Variants in CNTNAP5 observed in about 807,000 individuals in gnomAD.
The protein encoded by CNTNAP5 is contactin associated protein family member 5, also known as contactin-associated protein-like 5.
A neutral mutation model predicts 150.2 loss-of-function variants in CNTNAP5; 72 were observed. The observed-to-expected ratio is 0.48, with a 90% CI of 0.40 to 0.58. CNTNAP5 has a LOEUF of 0.58. CNTNAP5 is among the 20% of genes least tolerant of loss of function. The pLI is 0.00. For synonymous variants in CNTNAP5, 672 were observed against 619.8 expected (o/e 1.08, Z -1.25); for missense variants, 1,636 against 1,626.2 (o/e 1.01, Z -0.10).
chr2:124,856,151 A>G (rs1055027325), intron 19 of CNTNAP5, among the ~76,000 whole-genome samples: 1 of 151,760 alleles, frequency 6.6e-6, no homozygotes, highest in Non-Finnish European at 1.5e-5. Context: ...GGGTGTGTGT[A>G]TATATACAAT....
At chr2:124,419,972 C>T (rs1692053736) in intron 4 of CNTNAP5, among the ~76,000 whole-genome samples, 1 of 87,842 alleles carries the variant, frequency 1.1e-5, no homozygotes, top group African/African-American at 4.2e-5. Context: ...CTCTCTCTCT[C>T]TTTCTTTCTT....
At chr2:124,173,895 A>G (rs1169776886) in intron 1 of CNTNAP5, among the ~76,000 whole-genome samples, 1 of 152,210 alleles carries the variant, frequency 6.6e-6, no homozygotes, top group Non-Finnish European at 1.5e-5. Flanking sequence ...AAAGCTTCAC[A>G]GAACAGGCTC....
At chr2:124,188,939 C>T (rs1311655107) in intron 1 of CNTNAP5, among the ~76,000 whole-genome samples, 1 of 151,934 alleles carries the variant, frequency 6.6e-6, no homozygotes, top group Non-Finnish European at 1.5e-5. Flanking sequence ...TTAAACCTGG[C>T]CTAAATGAGT....
At position 124,916,852 on chromosome 2, in the gene CNTNAP5, C is replaced by A. The variant is rs1158662014; in HGVS notation, c.*2564C>A. On this transcript the variant is annotated 3_prime_UTR_variant, in exon 24 of 24. Transcript: ENST00000682447. ...CCTATAAGTAGTCTCAGGGCTAAAG[C>A]AGAATTATTTTTACAGGGTTGAATT... 6.6e-6 allele frequency among the ~76,000 whole-genome samples: 1 copy of A among 152,024 alleles called. No homozygotes were observed. Among genetic ancestry groups the A allele is most frequent in the Non-Finnish European group, 1.5e-5 (1 of 67,976 alleles).
At chr2:124,100,061 G>T (rs961748960) in intron 1 of CNTNAP5, among the ~76,000 whole-genome samples, 3 of 139,200 alleles carry the variant, frequency 2.2e-5, no homozygotes, top group Non-Finnish European at 5.0e-5. Context: ...TATAAGAAAA[G>T]AAGTTTAATT....
chr2:124,359,078 T>C (rs1264586963), intron 3 of CNTNAP5, among the ~76,000 whole-genome samples: 2 of 151,810 alleles, frequency 1.3e-5, no homozygotes, highest in African/African-American at 4.8e-5. Context: ...CTAGATTTTC[T>C]AGTTTATTTG....
chr2:124,815,920 A>G (rs545745059), intron 19 of CNTNAP5, among the ~76,000 whole-genome samples: 1 of 152,296 alleles, frequency 6.6e-6, no homozygotes, highest in South Asian at 2.1e-4. Flanking sequence ...TTAATAAATG[A>G]CGTTTTAAAG....
At chr2:124,100,000 T>A (rs561116540) in intron 1 of CNTNAP5, among the ~76,000 whole-genome samples, 1 of 152,276 alleles carries the variant, frequency 6.6e-6, no homozygotes, top group South Asian at 2.1e-4. Flanking sequence ...CATATCACTG[T>A]ATTAGGTCAT....
chr2:124,532,592 G>C (rs1419291999), intron 10 of CNTNAP5, among the ~76,000 whole-genome samples: 1 of 152,196 alleles, frequency 6.6e-6, no homozygotes, highest in Non-Finnish European at 1.5e-5. Context: ...AGGTGTCTGA[G>C]GTGGGGAGAA....
chr2:124,450,073 T>G (rs953741005), intron 6 of CNTNAP5, among the ~76,000 whole-genome samples: 2 of 152,130 alleles, frequency 1.3e-5, no homozygotes, highest in African/African-American at 4.8e-5. Context: ...ATCACAACGT[T>G]GCATATCAAT....
At chr2:124,720,953 T>C (rs74902271) in intron 13 of CNTNAP5, among the ~76,000 whole-genome samples, 3,904 of 152,256 alleles carry the variant, frequency 0.026, 174 homozygotes, top group African/African-American at 0.09. Flanking sequence ...TTCTTTACTA[T>C]GAACCTAAAT....
intron 1 of CNTNAP5, among the ~76,000 whole-genome samples, chr2:124,050,367 G>C (rs1277054457): frequency 6.6e-6 from 1 of 152,092 alleles, no homozygotes; most frequent in Non-Finnish European, 1.5e-5. Flanking sequence ...AGAAGGCTAA[G>C]GTGGGAGGAT....
intron 1 of CNTNAP5, among the ~76,000 whole-genome samples, chr2:124,177,402 AC>A (rs1685094199): frequency 6.6e-6 from 1 of 152,108 alleles, no homozygotes; most frequent in Admixed American, 6.6e-5. Context: ...TACTTCCAAA[AC>A]AACTTCTGGG....
intron 23 of CNTNAP5, among the ~76,000 whole-genome samples, chr2:124,912,028 T>C (rs1406352755): frequency 6.6e-6 from 1 of 152,072 alleles, no homozygotes; most frequent in African/African-American, 2.4e-5. Context: ...CACATATGGT[T>C]ACAGATGCAG....
At chr2:124,720,761 T>C (rs931074705) in intron 13 of CNTNAP5, among the ~76,000 whole-genome samples, 2 of 152,190 alleles carry the variant, frequency 1.3e-5, no homozygotes, top group Admixed American at 1.3e-4. Context: ...GTTGTACTTT[T>C]GAAAATTTAA....
intron 17 of CNTNAP5, among the ~76,000 whole-genome samples, chr2:124,780,586 G>A (rs1245075738): frequency 2.6e-5 from 4 of 152,232 alleles, no homozygotes; most frequent in East Asian, 1.9e-4. Context: ...GTTCACATAC[G>A]CCTGCTTCAA....
chr2:124,305,579 C>T (rs1688668190), intron 3 of CNTNAP5, among the ~76,000 whole-genome samples: 1 of 152,058 alleles, frequency 6.6e-6, no homozygotes, highest in Admixed American at 6.6e-5. Flanking sequence ...AAACTTAATC[C>T]CAGTGCAACA....
intron 1 of CNTNAP5, among the ~76,000 whole-genome samples, chr2:124,186,247 G>T (rs1415358970): frequency 6.6e-6 from 1 of 152,146 alleles, no homozygotes; most frequent in African/African-American, 2.4e-5. Context: ...GCACACACTG[G>T]CTTACATATG....
chr2:124,092,293 T>C (rs1682833764), intron 1 of CNTNAP5, among the ~76,000 whole-genome samples: 1 of 152,214 alleles, frequency 6.6e-6, no homozygotes, highest in South Asian at 2.1e-4. Flanking sequence ...AGCCATCAAG[T>C]AGTCCAGGGG....
Sources: gnomAD v4.1 joint callset for allele counts (sites outside exome capture counted in the v4.1 genomes callset) on GRCh38, gnomAD v4.1.1 for gene constraint, MANE v1.5 for transcripts, NCBI Gene and HGNC (gene_info 2026-07-23, HGNC 2026-07-21) for gene names.